Variants in GPC6 observed in about 807,000 individuals in gnomAD.
GPC6 encodes the protein glypican-6.
In GPC6, 14 loss-of-function variants were observed where a neutral mutation model predicts 55.2. That is an observed-to-expected ratio of 0.25 (90% CI 0.17 to 0.40). The LOEUF is 0.40. Among genes scored for constraint, GPC6 ranks in the 10% least tolerant of loss-of-function variants. The probability of loss-of-function intolerance (pLI) is 1.00; values close to 1 mark genes in which losing one functional copy is unlikely to be tolerated. For missense variants in GPC6, 641 were observed against 708.5 expected, an observed-to-expected ratio of 0.90 and a Z score of 1.08; for synonymous variants, 278 against 259.6, an observed-to-expected ratio of 1.07 and a Z score of -0.68.
At chr13:93,969,329 A>G (rs2140392329) in intron 3 of GPC6, among the ~76,000 whole-genome samples, 1 of 152,338 alleles carries the variant, frequency 6.6e-6, no homozygotes, top group East Asian at 1.9e-4. Flanking sequence ...AGTGAGAGCC[A>G]CTAGAAGAGA....
chr13:94,122,589 G>C (rs1327374443), intron 4 of GPC6, among the ~76,000 whole-genome samples: 1 of 152,034 alleles, frequency 6.6e-6, no homozygotes, highest in Non-Finnish European at 1.5e-5. Flanking sequence ...AAGGAGATGA[G>C]AAATAGATGA....
chr13:94,057,653 T>C (rs1279165203), intron 4 of GPC6, among the ~76,000 whole-genome samples: 1 of 152,204 alleles, frequency 6.6e-6, no homozygotes. Flanking sequence ...TTGTGAAATA[T>C]GTACCATCAT....
intron 1 of GPC6, among the ~76,000 whole-genome samples, chr13:93,312,035 A>T (rs189840671): frequency 1.3e-5 from 2 of 152,326 alleles, no homozygotes; most frequent in African/African-American, 4.8e-5. Flanking sequence ...TAAACAACTC[A>T]TTAGGAAAGT....
At chr13:93,367,012 G>A (rs957124987) in intron 1 of GPC6, among the ~76,000 whole-genome samples, 1 of 152,000 alleles carries the variant, frequency 6.6e-6, no homozygotes, top group African/African-American at 2.4e-5. Context: ...GGAATGTGCT[G>A]GTGATTACAA....
At chr13:93,775,842 T>C (rs562032174) in intron 2 of GPC6, among the ~76,000 whole-genome samples, 1 of 152,256 alleles carries the variant, frequency 6.6e-6, no homozygotes, top group Admixed American at 6.5e-5. Flanking sequence ...GTTTTAAAGT[T>C]ACTTAGAGAT....
chr13:93,246,654 C>T (rs1282902478), intron 1 of GPC6, among the ~76,000 whole-genome samples: 6 of 151,436 alleles, frequency 4.0e-5, no homozygotes, highest in Non-Finnish European at 7.4e-5. Context: ...AAAAATTAGC[C>T]GGATGTGGTG....
At chr13:93,799,528 T>C (rs2138934901) in intron 2 of GPC6, among the ~76,000 whole-genome samples, 1 of 152,346 alleles carries the variant, frequency 6.6e-6, no homozygotes, top group African/African-American at 2.4e-5. Flanking sequence ...GCAAGGAATG[T>C]AATTGAATTG....
chr13:94,237,036 T>C (rs756410573), intron 4 of GPC6, among the ~76,000 whole-genome samples: 1 of 151,852 alleles, frequency 6.6e-6, no homozygotes, highest in Non-Finnish European at 1.5e-5. Flanking sequence ...GCTCCAAGAG[T>C]AATAAACAGG....
intron 1 of GPC6, among the ~76,000 whole-genome samples, chr13:93,356,010 C>T (rs79009488): frequency 2.7e-3 from 411 of 152,100 alleles, no homozygotes; most frequent in Non-Finnish European, 4.3e-3. Context: ...GAAATAGAGA[C>T]GCCATGAGGA....
At chr13:94,062,274 C>G (rs1335782565) in intron 4 of GPC6, among the ~76,000 whole-genome samples, 1 of 151,622 alleles carries the variant, frequency 6.6e-6, no homozygotes, top group Non-Finnish European at 1.5e-5. Flanking sequence ...CTTTTTGAGA[C>G]GGAGTCTTAC....
chr13:93,754,564 A>C (rs1884707087), intron 2 of GPC6, among the ~76,000 whole-genome samples: 1 of 152,126 alleles, frequency 6.6e-6, no homozygotes, highest in African/African-American at 2.4e-5. Context: ...GGTACCCTTT[A>C]TTCCAAAATG....
intron 3 of GPC6, among the ~76,000 whole-genome samples, chr13:93,918,749 A>G (rs1251031881): frequency 1.3e-5 from 2 of 152,196 alleles, no homozygotes; most frequent in Non-Finnish European, 2.9e-5. Context: ...CACCATCTCC[A>G]TTAACCTGAT....
intron 1 of GPC6, among the ~76,000 whole-genome samples, chr13:93,353,912 A>G (rs1880730166): frequency 6.6e-6 from 1 of 152,212 alleles, no homozygotes; most frequent in Non-Finnish European, 1.5e-5. Flanking sequence ...AGGAAAGCAT[A>G]TTTTATCTAA....
chr13:94,160,375 C>G (rs1888115665), intron 4 of GPC6, among the ~76,000 whole-genome samples: 1 of 152,134 alleles, frequency 6.6e-6, no homozygotes, highest in Non-Finnish European at 1.5e-5. Context: ...ATCTTATGGT[C>G]TTATATCCTA....
intron 1 of GPC6, among the ~76,000 whole-genome samples, chr13:93,532,668 CCTT>C (rs1443960170): frequency 6.6e-6 from 1 of 152,138 alleles, no homozygotes; most frequent in Non-Finnish European, 1.5e-5. Flanking sequence ...TCTGATCACA[CCTT>C]CTTCTATGCT....
At chr13:94,383,386 T>G (rs978214396) in intron 7 of GPC6, among the ~76,000 whole-genome samples, 1 of 152,100 alleles carries the variant, frequency 6.6e-6, no homozygotes, top group African/African-American at 2.4e-5. Flanking sequence ...TTCTGGGGCT[T>G]GACTGAGCAG....
At chr13:94,052,929 C>T (rs1884003752) in intron 4 of GPC6, among the ~76,000 whole-genome samples, 1 of 152,136 alleles carries the variant, frequency 6.6e-6, no homozygotes, top group African/African-American at 2.4e-5. Flanking sequence ...CTTGGGGCCA[C>T]TACTCTGGGA....
At chr13:93,370,435 ACTGTT>A (rs1221264909) in intron 1 of GPC6, among the ~76,000 whole-genome samples, 1 of 152,112 alleles carries the variant, frequency 6.6e-6, no homozygotes, top group Non-Finnish European at 1.5e-5. Flanking sequence ...TTGATTTAAA[ACTGTT>A]CTATTCTTTA....
chr13:94,383,869 C>A (rs539660030), intron 7 of GPC6, among the ~76,000 whole-genome samples: 2 of 152,276 alleles, frequency 1.3e-5, no homozygotes, highest in South Asian at 4.1e-4. Flanking sequence ...GAAGCAGGTG[C>A]CTTCCTCACA....
Sources: gnomAD v4.1 joint callset for allele counts (sites outside exome capture counted in the v4.1 genomes callset) on GRCh38, gnomAD v4.1.1 for gene constraint, MANE v1.5 for transcripts, NCBI Gene and HGNC (gene_info 2026-07-23, HGNC 2026-07-21) for gene names.